Variants in FAM193A observed in about 807,000 individuals in gnomAD.
FAM193A encodes family with sequence similarity 193 member A, also known as protein FAM193A.
A neutral mutation model predicts 126.5 loss-of-function variants in FAM193A; 22 were observed. That is an observed-to-expected ratio of 0.17 (90% CI 0.12 to 0.25). The LOEUF (loss-of-function observed/expected upper bound fraction) is 0.25, where lower values mean the gene tolerates loss of function less well. Ranked by LOEUF, FAM193A falls within the 10% of genes least tolerant of loss-of-function variation. The probability of loss-of-function intolerance (pLI) is 1.00; values close to 1 mark genes in which losing one functional copy is unlikely to be tolerated. For missense variants in FAM193A, 1,675 were observed against 1,672.8 expected (o/e 1.00, Z -0.02); for synonymous variants, 761 against 646.8 (o/e 1.18, Z -2.68).
chr4:2,540,305 A>G (rs1737150574), intron 1 of FAM193A, among the ~76,000 whole-genome samples: 1 of 152,012 alleles, frequency 6.6e-6, no homozygotes, highest in Non-Finnish European at 1.5e-5. Context: ...CGTCTCTAGT[A>G]AAAATACAAA....
chr4:2,639,606 T>G, intron 5 of FAM193A, 129 bp from the exon 6 acceptor site: 1 of 579,070 alleles, frequency 1.7e-6, no homozygotes, highest in Admixed American at 3.6e-5. Context: ...CTGAACACTC[T>G]GGGCCTGTGA....
chr4:2,563,042 T>A (rs1325745673), intron 1 of FAM193A, among the ~76,000 whole-genome samples: 7 of 151,988 alleles, frequency 4.6e-5, no homozygotes, highest in Non-Finnish European at 1.0e-4. Context: ...CCTCCCAGAT[T>A]CAAGCGATTA....
chr4:2,569,419 C>T (rs10021818), intron 1 of FAM193A, among the ~76,000 whole-genome samples: 3,491 of 152,256 alleles, frequency 0.023, 64 homozygotes, highest in Non-Finnish European at 0.036. Flanking sequence ...GGTAGTTTAT[C>T]GAATCCTATT....
chr4:2,547,651 A>G (rs1737649638), intron 1 of FAM193A, among the ~76,000 whole-genome samples: 2 of 142,408 alleles, frequency 1.4e-5, no homozygotes, highest in African/African-American at 2.8e-5. Context: ...TTGGAAGTGG[A>G]GTCTCACCCT....
chr4:2,727,903 G>T (rs1720933155), intron 20 of FAM193A, among the ~76,000 whole-genome samples: 1 of 151,288 alleles, frequency 6.6e-6, no homozygotes, highest in Non-Finnish European at 1.5e-5. Flanking sequence ...TGGGACTACA[G>T]ATGCGCCACC....
rs71589604 is a variant in FAM193A at position 2,726,778 on chromosome 4, CAAAAAAAA to C, written c.4455-4979_4455-4972del. Among the ~76,000 whole-genome samples the C allele has an allele frequency of 5.6e-4, 25 of 44,948 alleles. 1 individual carries two copies. The East Asian group carries it at 0.015, about 26-fold the overall frequency. 29.5% of individuals were successfully genotyped at this position (44,948 alleles called of 152,430 possible). ...GAAACCCCACCTTTACTAAAAATAC[CAAAAAAAA>C]AAAAAAAAAAAAAAAAAGCCGGGTG... On this transcript the variant is annotated intron_variant, in intron 20 of 20. Coordinates refer to ENST00000637812, the MANE Select transcript of FAM193A (RefSeq NM_001366318.2).
At chr4:2,553,712 G>C (rs895224986) in intron 1 of FAM193A, among the ~76,000 whole-genome samples, 17 of 152,112 alleles carry the variant, frequency 1.1e-4, no homozygotes, top group Admixed American at 1.0e-3. Flanking sequence ...GTTTGGCTAT[G>C]TTCCCACCCA....
At chr4:2,550,200 C>G (rs1224719808) in intron 1 of FAM193A, among the ~76,000 whole-genome samples, 1 of 150,142 alleles carries the variant, frequency 6.7e-6, no homozygotes, top group Non-Finnish European at 1.5e-5. Flanking sequence ...TGTGCACCAC[C>G]ACTCCTGGCT....
chr4:2,670,069 G>A, intron 12 of FAM193A, among the ~76,000 whole-genome samples: 1 of 152,136 alleles, frequency 6.6e-6, no homozygotes, highest in East Asian at 1.9e-4. Context: ...ACTTGGTTCT[G>A]CACATGCTGG....
chr4:2,536,591 G>A (rs1370142882), upstream of FAM193A: 15 of 137,534 alleles, frequency 1.1e-4, no homozygotes, highest in East Asian at 7.9e-4. Flanking sequence ...GGGGGTGGGG[G>A]CCCACACCCC....
intron 13 of FAM193A, among the ~76,000 whole-genome samples, chr4:2,678,915 T>G (rs1374147212): frequency 6.6e-6 from 1 of 152,242 alleles, no homozygotes; most frequent in Admixed American, 6.5e-5. Context: ...GCCTTTTATT[T>G]CTTTTTCTTG....
chr4:2,596,596 A>G (rs1043053134), intron 2 of FAM193A, among the ~76,000 whole-genome samples: 4 of 152,182 alleles, frequency 2.6e-5, no homozygotes, highest in African/African-American at 7.2e-5. Context: ...CTTTGAGCTT[A>G]GTATTTCTTT....
chr4:2,688,744 G>A (rs968390117), intron 13 of FAM193A, among the ~76,000 whole-genome samples: 1 of 152,240 alleles, frequency 6.6e-6, no homozygotes, highest in Admixed American at 6.5e-5. Flanking sequence ...GTTGCACTGC[G>A]CCACTGTGAG....
At chr4:2,726,008 C>T (rs1460485321) in intron 20 of FAM193A, among the ~76,000 whole-genome samples, 1 of 151,730 alleles carries the variant, frequency 6.6e-6, no homozygotes, top group Non-Finnish European at 1.5e-5. Flanking sequence ...ACGCCATTCT[C>T]CTGCCTCAGG....
chr4:2,575,804 C>G (rs756283118), intron 1 of FAM193A, among the ~76,000 whole-genome samples: 3 of 152,104 alleles, frequency 2.0e-5, no homozygotes, highest in Non-Finnish European at 4.4e-5. Context: ...ATTATGCTCC[C>G]TGCCCTTCAC....
intron 20 of FAM193A, 86 bp downstream of exon 20, chr4:2,716,190 G>A: frequency 1.1e-6 from 1 of 923,716 alleles, no homozygotes; most frequent in Non-Finnish European, 1.8e-6. Context: ...GGCACTTCTA[G>A]TTGTCTTGGA....
At chr4:2,587,852 G>A (rs1424662257) in intron 1 of FAM193A, among the ~76,000 whole-genome samples, 1 of 152,158 alleles carries the variant, frequency 6.6e-6, no homozygotes, top group Non-Finnish European at 1.5e-5. Context: ...TTCAGAGTGG[G>A]AGACAGCATA....
In FAM193A at chr4:2,549,471, A is replaced by G. The variant is rs558999428; in HGVS notation, c.255+12301A>G. On this transcript the variant is annotated intron_variant, in intron 1 of 20. Coordinates refer to ENST00000637812, the MANE Select transcript of FAM193A (RefSeq NM_001366318.2). ...GAGTGCAGTGGCGGGATCTCGGCTCACTGCAAGCTCCGCCTCCCGGGTTCA... is the reference window on the plus strand; with the variant it reads ...GAGTGCAGTGGCGGGATCTCGGCTCGCTGCAAGCTCCGCCTCCCGGGTTCA... Among the ~76,000 whole-genome samples, 17 of 123,564 alleles carry G rather than the reference A, an allele frequency of 1.4e-4. No homozygotes were observed. In the South Asian group the frequency reaches 4.3e-3, roughly 31 times the overall value. The allele number at this position is 123,564 out of a possible 152,430, so 81.1% of individuals were successfully genotyped here. A position where few individuals can be genotyped will look rare whatever the true frequency, so the allele number is the denominator to read the frequency against.
chr4:2,618,103 G>A (rs1345004579), intron 2 of FAM193A, among the ~76,000 whole-genome samples: 2 of 152,050 alleles, frequency 1.3e-5, no homozygotes, highest in East Asian at 1.9e-4. Context: ...ACACGTTGTC[G>A]TCCTTATCTT....
Sources: gnomAD v4.1 joint callset for allele counts (sites outside exome capture counted in the v4.1 genomes callset) on GRCh38, gnomAD v4.1.1 for gene constraint, MANE v1.5 for transcripts, NCBI Gene and HGNC (gene_info 2026-07-23, HGNC 2026-07-21) for gene names.